The following ZRANB3 variants were observed in gnomAD, a reference collection of about 807,000 sequenced individuals.
ZRANB3 encodes DNA annealing helicase and endonuclease ZRANB3.
A neutral mutation model predicts 133.8 loss-of-function variants in ZRANB3; 125 were observed. The ratio of observed to expected loss-of-function variants is 0.93; its 90% CI spans 0.81 to 1.08. ZRANB3 has a LOEUF of 1.08. Ranked by LOEUF, ZRANB3 falls within the 50% of genes least tolerant of loss-of-function variation. The probability of loss-of-function intolerance (pLI) is 0.00; values close to 1 mark genes in which losing one functional copy is unlikely to be tolerated. For missense variants in ZRANB3, 1,229 were observed against 1,275.5 expected (o/e 0.96, Z 0.56); for synonymous variants, 387 against 432.7 (o/e 0.89, Z 1.31).
intron 11 of ZRANB3, 22 bp from the exon 12 acceptor site, chr2:135,265,708 G>A: frequency 6.2e-7 from 1 of 1,603,058 alleles, no homozygotes; most frequent in Non-Finnish European, 8.5e-7. Flanking sequence ...AAAAGTAAAT[G>A]AATTTTTGAG....
chr2:135,525,848 CA>C (rs557386914), intron 1 of ZRANB3, among the ~76,000 whole-genome samples: 5,542 of 67,022 alleles, frequency 0.083, 279 homozygotes, highest in African/African-American at 0.23. Context: ...AACTCTGTCT[CA>C]AAAAAAAAAA....
chr2:135,212,877 TC>T (rs1185276863), intron 17 of ZRANB3, among the ~76,000 whole-genome samples: 3 of 152,214 alleles, frequency 2.0e-5, no homozygotes, highest in African/African-American at 7.2e-5. Context: ...ACAATTGGCA[TC>T]CTAAACATGA....
rs1223723608 is a variant in ZRANB3 at position 135,485,185 on chromosome 2, AAACATAACAT to A, written c.161+19134_161+19143del. Among the ~76,000 whole-genome samples the A allele has an allele frequency of 2.4e-4, 29 of 121,704 alleles. No individual in the cohort carries two copies. The East Asian group carries it at 2.5e-3, about 10-fold the overall frequency. The allele number at this position is 121,704 out of a possible 152,430, so 79.8% of individuals were successfully genotyped here. ...AAACAAAACAAAACAAAACAAAACA[AAACATAACAT>A]AACATAACATAACATAACAGCCAAA... On this transcript the variant is annotated intron_variant, in intron 2 of 20. Transcript: ENST00000264159.
At chr2:135,258,744 A>G (rs952086203) in intron 12 of ZRANB3, among the ~76,000 whole-genome samples, 1 of 152,154 alleles carries the variant, frequency 6.6e-6, no homozygotes, top group African/African-American at 2.4e-5. Flanking sequence ...TATTAAATAA[A>G]TATTCTCATT....
At chr2:135,478,244 G>C (rs1484587689) in intron 2 of ZRANB3, among the ~76,000 whole-genome samples, 1 of 151,704 alleles carries the variant, frequency 6.6e-6, no homozygotes, top group Non-Finnish European at 1.5e-5. Context: ...TAATAGTTTT[G>C]GTAAACTTGT....
intron 15 of ZRANB3, among the ~76,000 whole-genome samples, chr2:135,222,354 A>G (rs549191706): frequency 1.1e-4 from 17 of 151,674 alleles, no homozygotes; most frequent in African/African-American, 3.9e-4. Context: ...GTGAACCGAG[A>G]TCGCACCACT....
At chr2:135,457,360 C>T (rs564680220) in intron 2 of ZRANB3, among the ~76,000 whole-genome samples, 2 of 152,262 alleles carry the variant, frequency 1.3e-5, no homozygotes, top group Non-Finnish European at 2.9e-5. Context: ...TTTATGCATA[C>T]CTTTGTGAGG....
chr2:135,328,028 C>G (rs1286688235), intron 6 of ZRANB3, among the ~76,000 whole-genome samples: 2 of 151,816 alleles, frequency 1.3e-5, no homozygotes, highest in Non-Finnish European at 2.9e-5. Context: ...GAAAGCACTT[C>G]AGTTGACTTT....
At chr2:135,330,735 T>G (rs1307934932) in intron 6 of ZRANB3, among the ~76,000 whole-genome samples, 1 of 152,184 alleles carries the variant, frequency 6.6e-6, no homozygotes, top group Non-Finnish European at 1.5e-5. Flanking sequence ...GAGCCTGTTA[T>G]TGGTCTATTC....
At chr2:135,395,324 C>T (rs537042592) in intron 2 of ZRANB3, among the ~76,000 whole-genome samples, 124 of 152,012 alleles carry the variant, frequency 8.2e-4, no homozygotes, top group African/African-American at 2.7e-3. Context: ...CATCTCTCAC[C>T]GTAAACAAAA....
intron 3 of ZRANB3, among the ~76,000 whole-genome samples, chr2:135,371,060 G>A (rs10197798): frequency 0.26 from 40,129 of 152,034 alleles, 8,852 homozygotes; most frequent in African/African-American, 0.59. Context: ...TTTATACATT[G>A]CCCAGTCTCA....
intron 12 of ZRANB3, among the ~76,000 whole-genome samples, chr2:135,252,978 C>T (rs575265944): frequency 8.2e-4 from 125 of 152,230 alleles, no homozygotes; most frequent in African/African-American, 2.3e-3. Context: ...ATTGTCACTA[C>T]CACTATTAGG....
chr2:135,486,289 G>A (rs935101422), intron 2 of ZRANB3, among the ~76,000 whole-genome samples: 4 of 152,190 alleles, frequency 2.6e-5, no homozygotes, highest in East Asian at 3.9e-4. Context: ...CTCAGTATAC[G>A]TTTTATTCTT....
At chr2:135,497,621 C>A (rs988272396) in intron 2 of ZRANB3, among the ~76,000 whole-genome samples, 4 of 152,154 alleles carry the variant, frequency 2.6e-5, no homozygotes, top group Admixed American at 1.3e-4. Flanking sequence ...TTCCATTAGA[C>A]AGCACTTATC....
At chr2:135,408,487 A>T (rs1688148673) in intron 2 of ZRANB3, among the ~76,000 whole-genome samples, 1 of 152,040 alleles carries the variant, frequency 6.6e-6, no homozygotes, top group Non-Finnish European at 1.5e-5. Context: ...ATATACCCAA[A>T]GGATTATAAA....
intron 8 of ZRANB3, among the ~76,000 whole-genome samples, chr2:135,298,759 G>T (rs1682286137): frequency 6.6e-6 from 1 of 152,194 alleles, no homozygotes; most frequent in African/African-American, 2.4e-5. Context: ...AGGGTCCTTG[G>T]TTGTAGTTTT....
At chr2:135,491,090 C>T (rs948396029) in intron 2 of ZRANB3, among the ~76,000 whole-genome samples, 1 of 152,088 alleles carries the variant, frequency 6.6e-6, no homozygotes, top group African/African-American at 2.4e-5. Context: ...AGGGTGACTA[C>T]AGTTAGCGTT....
intron 2 of ZRANB3, among the ~76,000 whole-genome samples, chr2:135,407,325 A>G (rs1214652129): frequency 6.6e-6 from 1 of 152,164 alleles, no homozygotes; most frequent in Non-Finnish European, 1.5e-5. Context: ...ATAAAAAAGG[A>G]TACAAACAAA....
At chr2:135,235,915 A>G (rs1440113784) in intron 12 of ZRANB3, among the ~76,000 whole-genome samples, 2 of 151,870 alleles carry the variant, frequency 1.3e-5, no homozygotes, top group East Asian at 1.9e-4. Context: ...CCTATTCAAC[A>G]TAGTGTTGGA....
Sources: gnomAD v4.1 joint callset for allele counts (sites outside exome capture counted in the v4.1 genomes callset) on GRCh38, gnomAD v4.1.1 for gene constraint, MANE v1.5 for transcripts, NCBI Gene and HGNC (gene_info 2026-07-23, HGNC 2026-07-21) for gene names.